Variants in GRM1 observed in about 807,000 individuals in gnomAD.
GRM1 encodes the protein metabotropic glutamate receptor 1.
Under a neutral mutation model 90.9 loss-of-function variants are expected in GRM1, and 33 were observed. The observed-to-expected ratio is 0.36, with a 90% CI of 0.28 to 0.49. The LOEUF is 0.49. Among genes scored for constraint, GRM1 ranks in the 20% least tolerant of loss-of-function variants. The probability of loss-of-function intolerance (pLI) is 0.99; values close to 1 mark genes in which losing one functional copy is unlikely to be tolerated. For synonymous variants in GRM1, 700 were observed against 613.2 expected (o/e 1.14, Z -2.09); for missense variants, 1,190 against 1,534.3 (o/e 0.78, Z 3.75).
At chr6:146,173,128 GC>G (rs1778199975) in intron 2 of GRM1, among the ~76,000 whole-genome samples, 1 of 152,006 alleles carries the variant, frequency 6.6e-6, no homozygotes, top group Non-Finnish European at 1.5e-5. Flanking sequence ...AGCAACTCAC[GC>G]CTGTAATTCC....
intron 7 of GRM1, among the ~76,000 whole-genome samples, chr6:146,424,994 G>A (rs1704689824): frequency 6.6e-6 from 1 of 152,128 alleles, no homozygotes; most frequent in Non-Finnish European, 1.5e-5. Flanking sequence ...ACCTTGATAA[G>A]TTTGATAGCA....
chr6:146,060,171 T>G (rs1230674644), intron 1 of GRM1, among the ~76,000 whole-genome samples: 1 of 152,104 alleles, frequency 6.6e-6, no homozygotes, highest in Non-Finnish European at 1.5e-5. Context: ...ATTTTTAACT[T>G]TTGATTTAAG....
chr6:146,412,654 T>C (rs3804300), intron 7 of GRM1, among the ~76,000 whole-genome samples: 95,582 of 152,134 alleles, frequency 0.63, 32,137 homozygotes, highest in African/African-American at 0.89. Context: ...AATTCATAGA[T>C]GGCTCATGTG....
intron 1 of GRM1, among the ~76,000 whole-genome samples, chr6:146,091,277 C>A (rs1019150942): frequency 6.6e-6 from 1 of 152,004 alleles, no homozygotes; most frequent in Non-Finnish European, 1.5e-5. Context: ...GCAAAGAGTA[C>A]CTTTTCAGGA....
At chr6:146,266,822 T>C (rs1781906306) in intron 2 of GRM1, among the ~76,000 whole-genome samples, 1 of 152,266 alleles carries the variant, frequency 6.6e-6, no homozygotes, top group African/African-American at 2.4e-5. Flanking sequence ...TCAAGGTCCC[T>C]GTTGAATAGC....
chr6:146,219,800 G>GCCCTTTTATAA (rs1779994925), intron 2 of GRM1, among the ~76,000 whole-genome samples: 2 of 152,050 alleles, frequency 1.3e-5, no homozygotes, highest in Non-Finnish European at 2.9e-5. Context: ...GCTTTCTTTG[G>GCCCTTTTATAA]GGAAGAATAA....
intron 1 of GRM1, among the ~76,000 whole-genome samples, chr6:146,139,608 T>A: frequency 6.6e-6 from 1 of 152,322 alleles, no homozygotes; most frequent in South Asian, 2.1e-4. Context: ...AAATCTATTT[T>A]GTCCAATATA....
chr6:146,414,437 A>T (rs1777693896), intron 7 of GRM1, among the ~76,000 whole-genome samples: 1 of 148,688 alleles, frequency 6.7e-6, no homozygotes, highest in African/African-American at 2.5e-5. Context: ...GGAGTCTCAC[A>T]CTGTCGTCCA....
chr6:146,338,502 A>G (rs185366311), intron 3 of GRM1, among the ~76,000 whole-genome samples: 44 of 152,330 alleles, frequency 2.9e-4, no homozygotes, highest in African/African-American at 6.7e-4. Context: ...TTGCATGTCT[A>G]TGGCTTAGAG....
intron 2 of GRM1, among the ~76,000 whole-genome samples, chr6:146,174,166 A>G (rs1196496169): frequency 6.6e-6 from 1 of 151,688 alleles, no homozygotes; most frequent in Non-Finnish European, 1.5e-5. Flanking sequence ...AGTTTGAGAA[A>G]TTTTTACTCT....
chr6:146,179,267 C>T (rs1016636905), intron 2 of GRM1, among the ~76,000 whole-genome samples: 1 of 152,130 alleles, frequency 6.6e-6, no homozygotes, highest in African/African-American at 2.4e-5. Context: ...ATGCCATGCC[C>T]CCGCTGGAAA....
intron 3 of GRM1, among the ~76,000 whole-genome samples, chr6:146,343,593 T>C (rs1377594985): frequency 6.6e-6 from 1 of 151,944 alleles, no homozygotes; most frequent in East Asian, 1.9e-4. Context: ...GTTGGAAGTC[T>C]TTCAGTTGGC....
intron 1 of GRM1, among the ~76,000 whole-genome samples, chr6:146,053,934 A>G (rs1338374064): frequency 6.6e-6 from 1 of 152,096 alleles, no homozygotes; most frequent in Non-Finnish European, 1.5e-5. Flanking sequence ...GAAACCCTCT[A>G]CTTTTTGCTT....
intron 5 of GRM1, among the ~76,000 whole-genome samples, chr6:146,379,968 C>G (rs907257421): frequency 6.6e-6 from 1 of 152,062 alleles, no homozygotes; most frequent in Admixed American, 6.6e-5. Flanking sequence ...CTTTCTCACT[C>G]TCTCTGTTCT....
chr6:146,267,251 G>A (rs899189159), intron 2 of GRM1, among the ~76,000 whole-genome samples: 5 of 152,190 alleles, frequency 3.3e-5, no homozygotes, highest in South Asian at 2.1e-4. Flanking sequence ...ATATTCCATG[G>A]TGTATATGTA....
At chr6:146,284,683 C>A (rs891293894) in intron 2 of GRM1, among the ~76,000 whole-genome samples, 3 of 152,272 alleles carry the variant, frequency 2.0e-5, no homozygotes, top group Admixed American at 6.5e-5. Context: ...CAGTTTCCCC[C>A]ATGTGCTCTC....
At chr6:146,123,429 G>T (rs1018546082) in intron 1 of GRM1, among the ~76,000 whole-genome samples, 27 of 152,154 alleles carry the variant, frequency 1.8e-4, no homozygotes, top group Non-Finnish European at 1.3e-4. Flanking sequence ...TTGCCTGATG[G>T]ATGCAGGGGC....
intron 1 of GRM1, among the ~76,000 whole-genome samples, chr6:146,112,149 A>G (rs937338869): frequency 1.3e-5 from 2 of 152,146 alleles, no homozygotes; most frequent in African/African-American, 4.8e-5. Context: ...ATCATCTCAT[A>G]CACATGAGGC....
chr6:146,167,953 A>C (rs1276769889), intron 2 of GRM1, among the ~76,000 whole-genome samples: 3 of 151,924 alleles, frequency 2.0e-5, no homozygotes, highest in Non-Finnish European at 2.9e-5. Context: ...AAAATATTTT[A>C]CCTCCTCCAA....
Sources: allele counts gnomAD v4.1 joint callset (sites outside exome capture counted in the v4.1 genomes callset), GRCh38; gene constraint gnomAD v4.1.1; transcripts MANE v1.5; gene names NCBI Gene and HGNC (gene_info 2026-07-23, HGNC 2026-07-21).